The following SUGCT variants were observed in gnomAD, a reference collection of about 807,000 sequenced individuals.
SUGCT encodes the protein succinyl-CoA:glutarate CoA-transferase.
SUGCT carries 41 observed loss-of-function variants against 55.0 expected under a neutral mutation model. The observed-to-expected ratio is 0.74, with a 90% CI of 0.58 to 0.97. SUGCT has a LOEUF of 0.97. Ranked by LOEUF, SUGCT falls within the 50% of genes least tolerant of loss-of-function variation. SUGCT has a pLI of 0.00. For synonymous variants in SUGCT, 187 were observed against 200.4 expected, an observed-to-expected ratio of 0.93 and a Z score of 0.56; for missense variants, 568 against 547.8, an observed-to-expected ratio of 1.04 and a Z score of -0.37.
chr7:40,853,269 C>A (rs1014004585), intron 13 of SUGCT, among the ~76,000 whole-genome samples: 2 of 152,010 alleles, frequency 1.3e-5, no homozygotes, highest in Non-Finnish European at 2.9e-5. Context: ...GTAATAATAT[C>A]ACAGTATTTA....
In SUGCT at chr7:40,496,312, T is replaced by A. The variant is rs1447539865; in HGVS notation, c.1015T>A (p.Leu339Ile). The change falls in exon 12 of 14, where the codon TTA becomes ATA. Residue 339 changes from leucine (L) to isoleucine (I), a missense_variant. Physicochemically the swap from Leu to Ile is conservative, Grantham distance 5. Coordinates refer to ENST00000335693, the MANE Select transcript of SUGCT (RefSeq NM_001193313.2). Reference protein sequence around the residue: ...RFEEELTSKWLYLFEGSGVPY... With the variant: ...RFEEELTSKWIYLFEGSGVPY... ...TGAAGAAGAACTGACCAGCAAGTGG[T>A]TATATCTTTTTGAAGGCAGTGGAGT... The A allele has an allele frequency of 6.2e-7, 1 of 1,612,918 alleles. No individual in the cohort carries two copies. The highest frequency in any genetic ancestry group is 2.2e-5 in the East Asian group (1 of 44,804).
chr7:40,838,156 T>C (rs1196937376), intron 13 of SUGCT, among the ~76,000 whole-genome samples: 2 of 152,230 alleles, frequency 1.3e-5, no homozygotes, highest in Admixed American at 1.3e-4. Flanking sequence ...TGATTGTAAC[T>C]GTATAATAAT....
intron 1 of SUGCT, among the ~76,000 whole-genome samples, chr7:40,167,515 A>AG: frequency 6.6e-6 from 1 of 152,288 alleles, no homozygotes; most frequent in South Asian, 2.1e-4. Flanking sequence ...GCTGCTCCCA[A>AG]GATGGCGGCA....
At chr7:40,382,749 A>G (rs972612145) in intron 9 of SUGCT, among the ~76,000 whole-genome samples, 3 of 152,192 alleles carry the variant, frequency 2.0e-5, no homozygotes, top group African/African-American at 7.2e-5. Flanking sequence ...TTGAGATAAT[A>G]TTCATTGAAT....
intron 12 of SUGCT, among the ~76,000 whole-genome samples, chr7:40,595,081 C>A (rs941530796): frequency 1.3e-5 from 2 of 152,112 alleles, no homozygotes; most frequent in African/African-American, 4.8e-5. Context: ...ATTTAATATT[C>A]TAAGTAAGAA....
At chr7:40,961,751 G>A in the SUGCT span, among the ~76,000 whole-genome samples, 20 of 151,902 alleles carry the variant, frequency 1.3e-4, no homozygotes, top group Non-Finnish European at 2.4e-4. Context: ...CAGTGGGTTC[G>A]TGGTCTCGCT....
chr7:40,512,851 T>C (rs1267906966), intron 12 of SUGCT, among the ~76,000 whole-genome samples: 1 of 152,080 alleles, frequency 6.6e-6, no homozygotes. Flanking sequence ...ATGGGGAATC[T>C]AAGAGTCAGT....
At chr7:40,570,426 A>G (rs185003663) in intron 12 of SUGCT, among the ~76,000 whole-genome samples, 12 of 152,338 alleles carry the variant, frequency 7.9e-5, no homozygotes, top group Admixed American at 6.5e-4. Context: ...GAGGTGGGAA[A>G]GCACTTGGCA....
chr7:40,712,559 CT>C (rs1785784359), intron 12 of SUGCT, among the ~76,000 whole-genome samples: 1 of 152,184 alleles, frequency 6.6e-6, no homozygotes, highest in Non-Finnish European at 1.5e-5. Flanking sequence ...TAAAATTTGT[CT>C]TGAGTATGCA....
chr7:40,438,880 G>A (rs1788316507), intron 9 of SUGCT, among the ~76,000 whole-genome samples: 1 of 151,326 alleles, frequency 6.6e-6, no homozygotes, highest in Admixed American at 6.6e-5. Context: ...GAAGGCCTGG[G>A]AGTCAAGACC....
chr7:40,601,858 T>C (rs1341875399), intron 12 of SUGCT, among the ~76,000 whole-genome samples: 1 of 152,144 alleles, frequency 6.6e-6, no homozygotes, highest in Non-Finnish European at 1.5e-5. Flanking sequence ...TTCTAAGATC[T>C]AACCCTTCAA....
intron 12 of SUGCT, among the ~76,000 whole-genome samples, chr7:40,543,172 C>G (rs748936119): frequency 1.2e-4 from 18 of 152,172 alleles, no homozygotes; most frequent in Non-Finnish European, 2.4e-4. Flanking sequence ...TCCTCCCTTG[C>G]TATTTACACT....
At chr7:40,430,899 G>GA (rs1372166845) in intron 9 of SUGCT, among the ~76,000 whole-genome samples, 1 of 151,918 alleles carries the variant, frequency 6.6e-6, no homozygotes, top group African/African-American at 2.4e-5. Context: ...CTCAGCACTG[G>GA]AGGTCAGAAG....
chr7:40,226,954 ATAAT>A (rs1261724849), intron 6 of SUGCT, among the ~76,000 whole-genome samples: 2 of 151,608 alleles, frequency 1.3e-5, no homozygotes, highest in East Asian at 1.9e-4. Context: ...TTAATTATTA[ATAAT>A]TAAATAAAAA....
rs926154284 is a variant in SUGCT at position 40,408,220 on chromosome 7, A to G, written c.817-41067A>G. ...CATATATGTGCATATTCTATTTATC[A>G]TATATATTGGAGCTACTATTGAGAA... On this transcript the variant is annotated intron_variant, in intron 9 of 13. Transcript: ENST00000335693. Among the ~76,000 whole-genome samples the G allele has an allele frequency of 1.2e-4, 18 of 152,318 alleles. No homozygotes were observed. The South Asian group carries it at 2.5e-3, about 21-fold the overall frequency.
chr7:40,349,152 CTT>C (rs2044919535), intron 9 of SUGCT, among the ~76,000 whole-genome samples: 6 of 152,140 alleles, frequency 3.9e-5, no homozygotes. Context: ...CTTTGCTTGT[CTT>C]TAATACTCAT....
At chr7:40,403,974 G>T (rs917723474) in intron 9 of SUGCT, among the ~76,000 whole-genome samples, 2 of 152,144 alleles carry the variant, frequency 1.3e-5, no homozygotes, top group African/African-American at 4.8e-5. Context: ...TTGGGCATTT[G>T]TATTCTTTGG....
intron 12 of SUGCT, among the ~76,000 whole-genome samples, chr7:40,621,146 G>A (rs1285932059): frequency 6.6e-6 from 1 of 151,952 alleles, no homozygotes. Flanking sequence ...ACAAATATTT[G>A]TATATACATA....
At chr7:40,422,744 T>C (rs1326296548) in intron 9 of SUGCT, among the ~76,000 whole-genome samples, 2 of 151,940 alleles carry the variant, frequency 1.3e-5, no homozygotes, top group Non-Finnish European at 2.9e-5. Context: ...TGTTTTGTAA[T>C]AGCCATGTAA....
Sources: gnomAD v4.1 joint callset for allele counts (sites outside exome capture counted in the v4.1 genomes callset) on GRCh38, gnomAD v4.1.1 for gene constraint, MANE v1.5 for transcripts, NCBI Gene and HGNC (gene_info 2026-07-23, HGNC 2026-07-21) for gene names.